The following MICOS10 variants were observed in gnomAD, a reference collection of about 807,000 sequenced individuals.
MICOS10 encodes MICOS complex subunit MIC10.
Under a neutral mutation model 13.4 loss-of-function variants are expected in MICOS10, and 5 were observed. The observed-to-expected ratio is 0.37, with a 90% CI of 0.20 to 0.78. The LOEUF is 0.78. MICOS10 is among the 30% of genes least tolerant of loss of function. The probability of loss-of-function intolerance (pLI) is 0.47; values close to 1 mark genes in which losing one functional copy is unlikely to be tolerated. For synonymous variants in MICOS10, 35 were observed against 33.6 expected, an observed-to-expected ratio of 1.04 and a Z score of -0.15; for missense variants, 101 against 94.6, an observed-to-expected ratio of 1.07 and a Z score of -0.28.
intron 1 of MICOS10, chr1:19,608,086 G>A (rs147335470): frequency 4.5e-5 from 39 of 863,464 alleles, no homozygotes; most frequent in African/African-American, 3.9e-4. Context: ...GAGCTTTCCC[G>A]TGTGGAGTCT....
chr1:19,620,958 G>C (rs1473914164), intron 1 of MICOS10, among the ~76,000 whole-genome samples: 1 of 152,214 alleles, frequency 6.6e-6, no homozygotes, highest in African/African-American at 2.4e-5. Context: ...AGATGGAGAA[G>C]AGCAAAAGCT....
chr1:19,617,329 C>A (rs2294629), intron 1 of MICOS10: 226,653 of 890,430 alleles, frequency 0.25, 27,692 homozygotes, highest in East Asian at 0.52. Context: ...CAGATAGCCA[C>A]AGGAAGGGTA....
chr1:19,605,681 C>T (rs1480483129), intron 1 of MICOS10, among the ~76,000 whole-genome samples: 4 of 152,096 alleles, frequency 2.6e-5, no homozygotes, highest in Non-Finnish European at 5.9e-5. Context: ...AGTTTGTTTA[C>T]GCTTTTAAAT....
At chr1:19,618,790 G>C (rs2094893636) in intron 1 of MICOS10, among the ~76,000 whole-genome samples, 1 of 152,216 alleles carries the variant, frequency 6.6e-6, no homozygotes, top group South Asian at 2.1e-4. Flanking sequence ...CTGGCACAAG[G>C]CTTCTAGGAT....
At chr1:19,613,499 C>A (rs2094871870) in intron 1 of MICOS10, among the ~76,000 whole-genome samples, 1 of 152,204 alleles carries the variant, frequency 6.6e-6, no homozygotes, top group Admixed American at 6.5e-5. Context: ...ACTTCCTTCT[C>A]TAACCCTCCT....
chr1:19,617,204 C>G (rs1422293351), intron 1 of MICOS10: 1 of 883,136 alleles, frequency 1.1e-6, no homozygotes, highest in African/African-American at 1.8e-5. Flanking sequence ...CCACATTTAC[C>G]TTTCATACCT....
intron 1 of MICOS10, among the ~76,000 whole-genome samples, chr1:19,611,045 G>T (rs977422741): frequency 6.6e-6 from 1 of 151,678 alleles, no homozygotes; most frequent in Non-Finnish European, 1.5e-5. Flanking sequence ...TCCACCTCCC[G>T]GGTTCAAGCA....
Position 19,623,582 on chromosome 1 carries a change from A to G in MICOS10, c.221A>G (p.Lys74Arg), listed in dbSNP as rs756947310. The G allele has an allele frequency of 2.6e-5, 41 of 1,571,158 alleles. No individual in the cohort carries two copies. The highest frequency in any genetic ancestry group is 3.2e-5 in the Non-Finnish European group (37 of 1,141,680). The change falls in exon 3 of 4, where the codon AAA (lysine) becomes AGA (arginine). Residue 74 changes from lysine to arginine, a missense_variant and splice_region_variant. Transcript: ENST00000322753. ...APYLLHGKYV[K>R]EQEQ is the part of the protein sequence containing the mutation. ...TATCTTCTACATGGAAAATATGTCA[A>G]AGTATGTACAGAATATATATTTCTC...
chr1:19,626,199 T>C (rs980586857), intron 3 of MICOS10, among the ~76,000 whole-genome samples, 188 bp from the exon 4 acceptor site: 11 of 152,186 alleles, frequency 7.2e-5, no homozygotes, highest in Admixed American at 3.9e-4. Flanking sequence ...CCCTGGAAGA[T>C]TGGGGCTGGA....
At chr1:19,618,811 G>A (rs1289890251) in intron 1 of MICOS10, among the ~76,000 whole-genome samples, 1 of 152,188 alleles carries the variant, frequency 6.6e-6, no homozygotes, top group African/African-American at 2.4e-5. Flanking sequence ...CTTAAAGACT[G>A]GTAATTCCTG....
chr1:19,604,381 C>T (rs531050873), intron 1 of MICOS10, among the ~76,000 whole-genome samples: 1 of 152,206 alleles, frequency 6.6e-6, no homozygotes, highest in Admixed American at 6.5e-5. Flanking sequence ...TGGTGGTACG[C>T]ACCTGTAGTC....
At chr1:19,621,438 AG>A (rs2094902943) in intron 1 of MICOS10, among the ~76,000 whole-genome samples, 1 of 152,154 alleles carries the variant, frequency 6.6e-6, no homozygotes, top group South Asian at 2.1e-4. Context: ...GTAATTGTTT[AG>A]GGGTTGAAAC....
intron 1 of MICOS10, among the ~76,000 whole-genome samples, chr1:19,616,632 G>A (rs1178386472): frequency 6.6e-6 from 1 of 152,166 alleles, no homozygotes; most frequent in Non-Finnish European, 1.5e-5. Context: ...ACCATGGATA[G>A]TGTTAAAATC....
chr1:19,606,823 C>T (rs1212626016), intron 1 of MICOS10, among the ~76,000 whole-genome samples: 3 of 151,966 alleles, frequency 2.0e-5, no homozygotes, highest in Non-Finnish European at 4.4e-5. Context: ...TTAAAGTTAA[C>T]CAGCAGATTT....
rs2094926847 is a variant in MICOS10 at position 19,627,839 on chromosome 1, G to A, written c.*1438G>A. ...TTAGTTCTTGCAAGTGCTATAGTGA[G>A]TACATTCAGGGTAGCAAATACCCTC... On this transcript the variant is annotated 3_prime_UTR_variant, in exon 4 of 4. Coordinates refer to ENST00000322753, the MANE Select transcript of MICOS10 (RefSeq NM_001032363.4). 6.6e-6 allele frequency: 1 copy of A among 152,258 alleles called. No homozygotes were observed. Among genetic ancestry groups the A allele is most frequent in the Non-Finnish European group, 1.5e-5 (1 of 68,108 alleles). 9.4% of individuals were successfully genotyped at this position (152,258 alleles called of 1,614,324 possible).
chr1:19,626,334 G>T, intron 3 of MICOS10, 53 bp from the exon 4 acceptor site: 1 of 1,612,954 alleles, frequency 6.2e-7, no homozygotes, highest in Non-Finnish European at 8.5e-7. Context: ...AATTAGAGAG[G>T]GTTGTCAGAA....
chr1:19,615,090 T>C (rs1001463754), intron 1 of MICOS10, among the ~76,000 whole-genome samples: 1 of 152,236 alleles, frequency 6.6e-6, no homozygotes, highest in Admixed American at 6.5e-5. Flanking sequence ...CACTGTCCTT[T>C]CATGGCACTG....
At chr1:19,626,073 G>A (rs1462224753) in intron 3 of MICOS10, among the ~76,000 whole-genome samples, 6 of 152,158 alleles carry the variant, frequency 3.9e-5, no homozygotes, top group East Asian at 1.9e-4. Flanking sequence ...CATGTAGTTC[G>A]TAGGCTGATG....
chr1:19,607,075 A>G (rs1453942177), intron 1 of MICOS10, among the ~76,000 whole-genome samples: 8 of 152,240 alleles, frequency 5.3e-5, no homozygotes, highest in Non-Finnish European at 1.2e-4. Flanking sequence ...AGTGATATCA[A>G]TTAGGTTATA....
Sources: gnomAD v4.1 joint callset for allele counts (sites outside exome capture counted in the v4.1 genomes callset) on GRCh38, gnomAD v4.1.1 for gene constraint, MANE v1.5 for transcripts, NCBI Gene and HGNC (gene_info 2026-07-23, HGNC 2026-07-21) for gene names.